Variants in VRK1 observed in about 807,000 individuals in gnomAD.
The protein encoded by VRK1 is serine/threonine-protein kinase VRK1.
Under a neutral mutation model 57.1 loss-of-function variants are expected in VRK1, and 33 were observed. That is an observed-to-expected ratio of 0.58 (90% CI 0.44 to 0.77). The LOEUF (loss-of-function observed/expected upper bound fraction) is 0.77. Among genes scored for constraint, VRK1 ranks in the 30% least tolerant of loss-of-function variants. The pLI, the probability that VRK1 is intolerant of heterozygous loss-of-function variation, is 0.00. For synonymous variants in VRK1, 137 were observed against 147.8 expected, an observed-to-expected ratio of 0.93 and a Z score of 0.53; for missense variants, 413 against 477.3, an observed-to-expected ratio of 0.87 and a Z score of 1.25.
At chr14:96,851,032 A>C (rs1214431736) in intron 5 of VRK1, among the ~76,000 whole-genome samples, 1 of 152,192 alleles carries the variant, frequency 6.6e-6, no homozygotes, top group Non-Finnish European at 1.5e-5. Context: ...ACCTTGCAAA[A>C]TCTGTTACAC....
chr14:96,862,787 T>C (rs1206396162), intron 11 of VRK1, among the ~76,000 whole-genome samples: 1 of 152,128 alleles, frequency 6.6e-6, no homozygotes. Flanking sequence ...CTAAATATGA[T>C]GCTTAGTTCT....
At chr14:96,877,406 G>C in intron 12 of VRK1, 1 of 877,526 alleles carries the variant, frequency 1.1e-6, no homozygotes, top group East Asian at 6.2e-5. Flanking sequence ...GAAGGCGAGA[G>C]GTTTTGAAGT....
chr14:96,876,427 C>T (rs1033843433), intron 12 of VRK1, among the ~76,000 whole-genome samples: 4 of 152,054 alleles, frequency 2.6e-5, no homozygotes, highest in Non-Finnish European at 5.9e-5. Flanking sequence ...CTCAGCTACT[C>T]AGGAGGCTGA....
At chr14:96,821,633 G>A (rs723810) in intron 1 of VRK1, among the ~76,000 whole-genome samples, 93,342 of 152,002 alleles carry the variant, frequency 0.61, 29,440 homozygotes, top group African/African-American at 0.66. Flanking sequence ...CCCCCTTACA[G>A]TCTATTCTTG....
intron 2 of VRK1, among the ~76,000 whole-genome samples, chr14:96,837,399 A>G (rs2139758107): frequency 6.6e-6 from 1 of 152,280 alleles, no homozygotes; most frequent in Non-Finnish European, 1.5e-5. Context: ...AGAATTTCAT[A>G]GTTTATTAAA....
chr14:96,850,080 C>T (rs1887888711), intron 5 of VRK1, among the ~76,000 whole-genome samples: 1 of 152,126 alleles, frequency 6.6e-6, no homozygotes, highest in Admixed American at 6.5e-5. Context: ...CAGCCCATTT[C>T]TTCTATAAAA....
At chr14:96,845,552 A>C (rs1887648750) in intron 3 of VRK1, among the ~76,000 whole-genome samples, 1 of 152,200 alleles carries the variant, frequency 6.6e-6, no homozygotes, top group South Asian at 2.1e-4. Flanking sequence ...GAAAGGAAGG[A>C]TGCAGGTTAG....
At chr14:96,820,659 A>C (rs1886565514) in intron 1 of VRK1, among the ~76,000 whole-genome samples, 1 of 152,244 alleles carries the variant, frequency 6.6e-6, no homozygotes, top group Non-Finnish European at 1.5e-5. Flanking sequence ...ATAAGTCATT[A>C]GCCAAAAAAC....
chr14:96,860,504 A>T, intron 10 of VRK1, 53 bp from the exon 11 acceptor site: 1 of 1,502,372 alleles, frequency 6.7e-7, no homozygotes, highest in Admixed American at 1.9e-5. Context: ...TTTTTTTTAG[A>T]GGTTAGAGAG....
intron 6 of VRK1, 44 bp from the exon 7 acceptor site, chr14:96,853,030 G>C (rs762320519): frequency 6.2e-7 from 1 of 1,607,216 alleles, no homozygotes; most frequent in Non-Finnish European, 8.5e-7. Flanking sequence ...CTGCTGGCTG[G>C]TGTTAGGTAC....
At chr14:96,876,144 CTG>C in intron 12 of VRK1, 24 bp downstream of exon 12, 1 of 1,610,524 alleles carries the variant, frequency 6.2e-7, no homozygotes, top group Non-Finnish European at 8.5e-7. Context: ...TTTTGCCTAG[CTG>C]CTTTCATAGG....
intron 7 of VRK1, among the ~76,000 whole-genome samples, chr14:96,853,698 G>A (rs1888039251): frequency 6.6e-6 from 1 of 151,848 alleles, no homozygotes; most frequent in Non-Finnish European, 1.5e-5. Context: ...ACTTTCTAAG[G>A]AAAGGAGAAA....
chr14:96,837,190 C>T (rs1887253661), intron 2 of VRK1, among the ~76,000 whole-genome samples: 1 of 152,160 alleles, frequency 6.6e-6, no homozygotes, highest in Admixed American at 6.5e-5. Context: ...ATATTTCTAA[C>T]TCAGTATTCT....
At chr14:96,847,222 C>T in intron 4 of VRK1, 35 bp from the exon 5 acceptor site, 2 of 1,555,602 alleles carry the variant, frequency 1.3e-6, no homozygotes, top group Non-Finnish European at 1.8e-6. Context: ...TTATGTATAA[C>T]AATTGAAATC....
chr14:96,852,953 GTTC>G lies in VRK1; in HGVS notation c.483+20_483+22del, dbSNP rs566207500. 2.7e-4 allele frequency: 435 copies of G among 1,612,232 alleles called. 4 individuals carry two copies. In the South Asian group the frequency reaches 4.2e-3, roughly 15 times the overall value. On this transcript the variant is annotated intron_variant, in intron 6 of 12. Coordinates refer to ENST00000216639, the MANE Select transcript of VRK1 (RefSeq NM_003384.3). ...AGCTTAAGAATTGTATGTGAGCTAT[GTTC>G]TTCTTGTTTTTAAAAAATTGTTTTG...
chr14:96,809,431 A>C (rs1195676385), intron 1 of VRK1, among the ~76,000 whole-genome samples: 1 of 152,100 alleles, frequency 6.6e-6, no homozygotes, highest in Non-Finnish European at 1.5e-5. Context: ...ATTATGAACA[A>C]TGTTGCTATA....
chr14:96,816,363 A>G (rs535434886), intron 1 of VRK1, among the ~76,000 whole-genome samples: 32 of 152,270 alleles, frequency 2.1e-4, no homozygotes, highest in African/African-American at 7.2e-4. Flanking sequence ...TGCTTTACCC[A>G]TTACAGTTTT....
At chr14:96,857,887 A>G (rs1888230145) in intron 10 of VRK1, among the ~76,000 whole-genome samples, 1 of 152,162 alleles carries the variant, frequency 6.6e-6, no homozygotes, top group Admixed American at 6.5e-5. Flanking sequence ...CACTTACCTT[A>G]ATTTCCAACA....
chr14:96,871,136 C>T (rs1888805378), intron 11 of VRK1, among the ~76,000 whole-genome samples: 1 of 152,032 alleles, frequency 6.6e-6, no homozygotes. Flanking sequence ...ACAGTAAATT[C>T]TTAATTTTTC....
Sources: allele counts gnomAD v4.1 joint callset (sites outside exome capture counted in the v4.1 genomes callset), GRCh38; gene constraint gnomAD v4.1.1; transcripts MANE v1.5; gene names NCBI Gene and HGNC (gene_info 2026-07-23, HGNC 2026-07-21).